The following PTPRO variants were observed in gnomAD, a reference collection of about 807,000 sequenced individuals.
PTPRO encodes protein tyrosine phosphatase receptor type O.
PTPRO carries 62 observed loss-of-function variants against 145.2 expected under a neutral mutation model. The observed-to-expected ratio is 0.43, with a 90% CI of 0.35 to 0.53. The LOEUF is 0.53. Among genes scored for constraint, PTPRO ranks in the 20% least tolerant of loss-of-function variants. PTPRO has a pLI of 0.01. For synonymous variants in PTPRO, 565 were observed against 514.7 expected, an observed-to-expected ratio of 1.10 and a Z score of -1.32; for missense variants, 1,345 against 1,482.7, an observed-to-expected ratio of 0.91 and a Z score of 1.53.
chr12:15,333,171 C>T (rs1866660772), intron 1 of PTPRO, among the ~76,000 whole-genome samples: 1 of 152,196 alleles, frequency 6.6e-6, no homozygotes, highest in Non-Finnish European at 1.5e-5. Flanking sequence ...AGTAAGCATT[C>T]TATACATGCA....
chr12:15,369,310 G>C (rs1028518950), intron 1 of PTPRO, among the ~76,000 whole-genome samples: 3 of 152,154 alleles, frequency 2.0e-5, no homozygotes, highest in African/African-American at 7.2e-5. Flanking sequence ...AAGGAAAGCA[G>C]CCATTTTTTT....
chr12:15,443,650 GC>G (rs1647990846), intron 1 of PTPRO, among the ~76,000 whole-genome samples: 1 of 151,840 alleles, frequency 6.6e-6, no homozygotes, highest in African/African-American at 2.4e-5. Context: ...AATTGAACAA[GC>G]AAAAAACAAA....
At position 15,589,516 on chromosome 12, in the gene PTPRO, G is replaced by T; in HGVS notation, c.3472G>T (p.Asp1158Tyr). The change falls in exon 25 of 27, where the codon GAT (aspartate) becomes TAT (tyrosine). Residue 1158 changes from aspartate to tyrosine, a missense_variant. By Grantham distance (160) the Asp-to-Tyr change is radical. Around this residue, in one of 3 missense-constraint regions of PTPRO, gnomAD observed 208 missense variants for 242.8 expected, o/e 0.86. Coordinates refer to ENST00000281171, the MANE Select transcript of PTPRO (RefSeq NM_030667.3). ...ALDRLLQHIR[D>Y]HEFVDILGLV... Reference sequence around the variant, plus strand: ...GGACAGGCTCTTGCAGCACATTCGGGATCATGAGTTTGTTGACATCTTAGG... The same window carrying T: ...GGACAGGCTCTTGCAGCACATTCGGTATCATGAGTTTGTTGACATCTTAGG... 1 of 1,614,136 alleles carries T rather than the reference G, an allele frequency of 6.2e-7. No homozygotes were observed. The highest frequency in any genetic ancestry group is 8.5e-7 in the Non-Finnish European group (1 of 1,180,000).
chr12:15,466,380 T>C (rs1414842160), intron 1 of PTPRO, among the ~76,000 whole-genome samples: 1 of 152,204 alleles, frequency 6.6e-6, no homozygotes, highest in African/African-American at 2.4e-5. Context: ...CCATGGTTTC[T>C]GAAAAAATGC....
chr12:15,482,974 G>A (rs558276856), intron 1 of PTPRO, among the ~76,000 whole-genome samples: 2 of 152,196 alleles, frequency 1.3e-5, no homozygotes, highest in African/African-American at 4.8e-5. Flanking sequence ...TATCTCATGA[G>A]GTTATTTTCA....
At chr12:15,439,029 G>C (rs1452161397) in intron 1 of PTPRO, among the ~76,000 whole-genome samples, 1 of 152,092 alleles carries the variant, frequency 6.6e-6, no homozygotes, top group South Asian at 2.1e-4. Context: ...AGATCTGCTA[G>C]AGGACAGATC....
intron 19 of PTPRO, among the ~76,000 whole-genome samples, chr12:15,569,712 G>A (rs556953765): frequency 2.0e-5 from 3 of 152,282 alleles, no homozygotes; most frequent in South Asian, 2.1e-4. Context: ...GGGAAGAAGA[G>A]AATAGGTGCA....
At chr12:15,477,945 A>G (rs940847675) in intron 1 of PTPRO, among the ~76,000 whole-genome samples, 4 of 152,182 alleles carry the variant, frequency 2.6e-5, no homozygotes, top group Non-Finnish European at 5.9e-5. Flanking sequence ...CACCTGGCAC[A>G]TTGCCCAGGG....
rs1460216048 is a variant in PTPRO at position 15,580,570 on chromosome 12, A to G, written c.2998-127A>G. 8.5e-6 allele frequency: 9 copies of G among 1,058,046 alleles called. No individual in the cohort carries two copies. The African/African-American group carries it at 1.1e-4, about 13-fold the overall frequency. 65.5% of individuals were successfully genotyped at this position (1,058,046 alleles called of 1,614,324 possible). On this transcript the variant is annotated intron_variant, in intron 21 of 26. Coordinates refer to ENST00000281171, the MANE Select transcript of PTPRO (RefSeq NM_030667.3). Reference sequence around the variant, plus strand: ...TTTGATTAAAACAGGAGAAAACATTACATAGGTGTGTGATCCTTTGCCAAT... The same window carrying G: ...TTTGATTAAAACAGGAGAAAACATTGCATAGGTGTGTGATCCTTTGCCAAT...
chr12:15,389,803 A>G (rs958219986), intron 1 of PTPRO, among the ~76,000 whole-genome samples: 1 of 152,222 alleles, frequency 6.6e-6, no homozygotes, highest in African/African-American at 2.4e-5. Context: ...ACAATCAGTT[A>G]GTTACCCTGG....
chr12:15,420,234 G>C (rs1940106771), intron 1 of PTPRO, among the ~76,000 whole-genome samples: 2 of 150,580 alleles, frequency 1.3e-5, no homozygotes, highest in African/African-American at 4.9e-5. Flanking sequence ...ATTTAAGTCT[G>C]CTACTGCCTC....
intron 1 of PTPRO, among the ~76,000 whole-genome samples, chr12:15,352,822 A>G (rs1443612456): frequency 6.6e-6 from 1 of 152,158 alleles, no homozygotes; most frequent in Non-Finnish European, 1.5e-5. Context: ...GCTTACATAA[A>G]CAGCCTTTAG....
At chr12:15,390,357 G>T (rs1171732608) in intron 1 of PTPRO, among the ~76,000 whole-genome samples, 6 of 152,120 alleles carry the variant, frequency 3.9e-5, no homozygotes, top group African/African-American at 1.2e-4. Context: ...ATTCTGTGTG[G>T]CCGGGGAGGC....
chr12:15,574,883 G>T (rs1565439755), intron 19 of PTPRO, among the ~76,000 whole-genome samples: 1 of 152,134 alleles, frequency 6.6e-6, no homozygotes. Flanking sequence ...TGCTGACATT[G>T]TTACAAACCC....
chr12:15,450,256 A>G lies in PTPRO; in HGVS notation c.76-33718A>G, dbSNP rs76035449. On this transcript the variant is annotated intron_variant, in intron 1 of 26. Coordinates refer to ENST00000281171, the MANE Select transcript of PTPRO (RefSeq NM_030667.3). Reference sequence around the variant, plus strand: ...CCTGCCAATGAAAAGGTTTTGTACTATGAGGAATTTACCAGTTTTTCCTCT... The same window carrying G: ...CCTGCCAATGAAAAGGTTTTGTACTGTGAGGAATTTACCAGTTTTTCCTCT... 4.3e-3 allele frequency among the ~76,000 whole-genome samples: 647 copies of G among 151,448 alleles called. 4 individuals carry two copies. The highest frequency in any genetic ancestry group is 0.015 in the African/African-American group (622 of 41,352).
chr12:15,348,913 C>G (rs1223934287), intron 1 of PTPRO, among the ~76,000 whole-genome samples: 2 of 152,124 alleles, frequency 1.3e-5, no homozygotes, highest in Admixed American at 1.3e-4. Flanking sequence ...ACATCTGTTT[C>G]AAGTCATTAT....
intron 1 of PTPRO, among the ~76,000 whole-genome samples, chr12:15,431,000 T>C (rs561979888): frequency 6.6e-6 from 1 of 152,340 alleles, no homozygotes; most frequent in South Asian, 2.1e-4. Flanking sequence ...AAAACTGTAT[T>C]CAATATTTTG....
chr12:15,565,740 T>C, intron 18 of PTPRO, 112 bp downstream of exon 18: 1 of 793,102 alleles, frequency 1.3e-6, no homozygotes, highest in Non-Finnish European at 2.1e-6. Flanking sequence ...AAGAGGCAAA[T>C]GCATATTACA....
In PTPRO at chr12:15,477,441, T is replaced by C. The variant is rs539823789; in HGVS notation, c.76-6533T>C. On this transcript the variant is annotated intron_variant, in intron 1 of 26. Transcript: ENST00000281171. ...GGGCGCAGCGCACCAGCATGGCACA[T>C]GTATACATATGTAACTAACCTGCAC... Among the ~76,000 whole-genome samples the C allele has an allele frequency of 1.6e-4, 24 of 151,228 alleles. 1 individual carries two copies. The highest frequency in any genetic ancestry group is 4.6e-4 in the African/African-American group (19 of 41,164).
Sources: gnomAD v4.1 joint callset for allele counts (sites outside exome capture counted in the v4.1 genomes callset) on GRCh38, gnomAD v4.1.1 for gene constraint, gnomAD v4.1.1 regional missense constraint, MANE v1.5 for transcripts, NCBI Gene and HGNC (gene_info 2026-07-23, HGNC 2026-07-21) for gene names.